Variants in CCSER1 observed in about 807,000 individuals in gnomAD.
The protein encoded by CCSER1 is serine-rich coiled-coil domain-containing protein 1.
CCSER1 carries 41 observed loss-of-function variants against 82.0 expected under a neutral mutation model. The observed-to-expected ratio is 0.50, with a 90% confidence interval of 0.39 to 0.65. CCSER1 has a LOEUF of 0.65. Ranked by LOEUF, CCSER1 falls within the 30% of genes least tolerant of loss-of-function variation. The probability of loss-of-function intolerance (pLI) is 0.00; values close to 1 mark genes in which losing one functional copy is unlikely to be tolerated. For missense variants in CCSER1, 1,119 were observed against 1,064.2 expected, an observed-to-expected ratio of 1.05 and a Z score of -0.72; for synonymous variants, 414 against 383.9, an observed-to-expected ratio of 1.08 and a Z score of -0.92.
At chr4:90,560,495 A>C (rs781502360) in intron 5 of CCSER1, among the ~76,000 whole-genome samples, 5 of 152,054 alleles carry the variant, frequency 3.3e-5, no homozygotes, top group Non-Finnish European at 7.4e-5. Context: ...AAAATGTATT[A>C]ATGTTTTTAT....
rs939264063 is a variant in CCSER1 at position 90,962,725 on chromosome 4, A to G, written c.2172+39278A>G. 3.3e-5 allele frequency among the ~76,000 whole-genome samples: 5 copies of G among 152,184 alleles called. 1 individual carries two copies. Among genetic ancestry groups the G allele is most frequent in the Admixed American group, 6.5e-5 (1 of 15,276 alleles). Reference sequence around the variant, plus strand: ...GAATATTTACTAATGGCAAAAGACAAGCCATGTCTTGGGTTCTTACCTTTC... The same window carrying G: ...GAATATTTACTAATGGCAAAAGACAGGCCATGTCTTGGGTTCTTACCTTTC... On this transcript the variant is annotated intron_variant, in intron 9 of 10. Coordinates refer to ENST00000509176, the MANE Select transcript of CCSER1 (RefSeq NM_001145065.2).
At chr4:91,290,502 T>A (rs1344922508) in intron 10 of CCSER1, among the ~76,000 whole-genome samples, 1 of 152,000 alleles carries the variant, frequency 6.6e-6, no homozygotes, top group African/African-American at 2.4e-5. Context: ...AGTTTTATAA[T>A]ATATTAAAAG....
intron 9 of CCSER1, among the ~76,000 whole-genome samples, chr4:91,025,394 A>G (rs755757644): frequency 7.2e-5 from 11 of 152,032 alleles, no homozygotes; most frequent in Admixed American, 2.0e-4. Flanking sequence ...TTTCATTTTC[A>G]CTTCATTCAT....
At chr4:91,012,842 G>C (rs1025758463) in intron 9 of CCSER1, among the ~76,000 whole-genome samples, 1 of 133,568 alleles carries the variant, frequency 7.5e-6, no homozygotes, top group African/African-American at 2.5e-5. Flanking sequence ...AGGACTGCAG[G>C]GGTCCCCAGT....
At chr4:90,946,036 A>G (rs1017706032) in intron 9 of CCSER1, among the ~76,000 whole-genome samples, 1 of 152,190 alleles carries the variant, frequency 6.6e-6, no homozygotes, top group African/African-American at 2.4e-5. Flanking sequence ...TATCACATAT[A>G]CATCACATTG....
At chr4:90,350,229 A>C in intron 3 of CCSER1, among the ~76,000 whole-genome samples, 1 of 152,130 alleles carries the variant, frequency 6.6e-6, no homozygotes, top group East Asian at 1.9e-4. Context: ...TGAACTGAGC[A>C]TTCAAATATG....
intron 7 of CCSER1, among the ~76,000 whole-genome samples, chr4:90,758,980 C>T (rs1039656013): frequency 5.3e-5 from 8 of 152,092 alleles, no homozygotes; most frequent in Non-Finnish European, 2.9e-5. Flanking sequence ...CTTTTAGTAA[C>T]ACCCTATACA....
At chr4:91,128,588 G>T (rs548565091) in intron 10 of CCSER1, among the ~76,000 whole-genome samples, 6 of 152,190 alleles carry the variant, frequency 3.9e-5, no homozygotes, top group African/African-American at 1.4e-4. Context: ...AGGAAATTAT[G>T]ATTGTTCCTA....
chr4:90,256,236 T>C (rs1370912254), intron 1 of CCSER1, among the ~76,000 whole-genome samples: 2 of 152,178 alleles, frequency 1.3e-5, no homozygotes, highest in African/African-American at 2.4e-5. Flanking sequence ...CTGCAGTCTT[T>C]GTGACCTGAC....
chr4:90,396,130 A>C (rs1462206931), intron 3 of CCSER1, among the ~76,000 whole-genome samples: 2 of 151,964 alleles, frequency 1.3e-5, no homozygotes, highest in African/African-American at 4.8e-5. Context: ...TTTCATTATT[A>C]TTTCTTTATT....
At chr4:91,467,311 A>G (rs1443370563) in intron 10 of CCSER1, among the ~76,000 whole-genome samples, 1 of 152,226 alleles carries the variant, frequency 6.6e-6, no homozygotes, top group African/African-American at 2.4e-5. Context: ...TAGAAAGCTG[A>G]AACTGGATCC....
intron 9 of CCSER1, among the ~76,000 whole-genome samples, chr4:90,928,113 G>A (rs1175068336): frequency 6.6e-6 from 1 of 151,948 alleles, no homozygotes; most frequent in Non-Finnish European, 1.5e-5. Flanking sequence ...CATGCTTCAT[G>A]TATTTATATT....
intron 5 of CCSER1, among the ~76,000 whole-genome samples, chr4:90,501,613 AAT>A (rs1345067246): frequency 6.6e-6 from 1 of 152,204 alleles, no homozygotes; most frequent in Non-Finnish European, 1.5e-5. Flanking sequence ...TATCAGTATA[AAT>A]ATGATTTTTG....
At chr4:90,243,743 C>T (rs967256238) in intron 1 of CCSER1, among the ~76,000 whole-genome samples, 3 of 151,980 alleles carry the variant, frequency 2.0e-5, no homozygotes, top group Non-Finnish European at 4.4e-5. Context: ...ATGTTTTTCC[C>T]TAAAGTGCAT....
chr4:91,256,083 C>A (rs1210682880), intron 10 of CCSER1, among the ~76,000 whole-genome samples: 1 of 152,018 alleles, frequency 6.6e-6, no homozygotes. Flanking sequence ...CAATTCTTTC[C>A]CCAGTAAGGA....
chr4:90,435,601 CTTAA>C (rs1369643753), intron 4 of CCSER1, among the ~76,000 whole-genome samples: 1 of 151,998 alleles, frequency 6.6e-6, no homozygotes, highest in Non-Finnish European at 1.5e-5. Flanking sequence ...TTCCTTTGGC[CTTAA>C]TTAAGTTTGA....
At chr4:91,363,210 G>GT (rs372813462) in intron 10 of CCSER1, among the ~76,000 whole-genome samples, 28 of 151,814 alleles carry the variant, frequency 1.8e-4, no homozygotes, top group African/African-American at 6.7e-4. Flanking sequence ...TATTTCTAGC[G>GT]TAATGCTTTT....
chr4:91,168,820 A>G (rs1449801516), intron 10 of CCSER1, among the ~76,000 whole-genome samples: 3 of 152,166 alleles, frequency 2.0e-5, no homozygotes, highest in African/African-American at 7.2e-5. Flanking sequence ...TGTAGAAAGA[A>G]GTAGACATAG....
At chr4:91,355,152 A>T (rs1023284165) in intron 10 of CCSER1, among the ~76,000 whole-genome samples, 1 of 152,136 alleles carries the variant, frequency 6.6e-6, no homozygotes, top group Non-Finnish European at 1.5e-5. Context: ...TAAATGACAC[A>T]AGACCAGTAT....
Sources: allele counts gnomAD v4.1 joint callset (sites outside exome capture counted in the v4.1 genomes callset), GRCh38; gene constraint gnomAD v4.1.1; transcripts MANE v1.5; gene names NCBI Gene and HGNC (gene_info 2026-07-23, HGNC 2026-07-21).